ARHGAP29: variants seen among roughly 807,000 people sequenced by gnomAD.
The protein encoded by ARHGAP29 is rho GTPase-activating protein 29.
A neutral mutation model predicts 122.6 loss-of-function variants in ARHGAP29; 43 were observed. The observed-to-expected ratio is 0.35, with a 90% CI of 0.27 to 0.45. The LOEUF (loss-of-function observed/expected upper bound fraction) is 0.45. Ranked by LOEUF, ARHGAP29 falls within the 20% of genes least tolerant of loss-of-function variation. The pLI is 1.00. For missense variants in ARHGAP29, 1,303 were observed against 1,477.2 expected (o/e 0.88, Z 1.93); for synonymous variants, 506 against 497.1 (o/e 1.02, Z -0.24).
At chr1:94,256,506 A>C (rs1654350802) in intron 1 of ARHGAP29, among the ~76,000 whole-genome samples, 1 of 147,154 alleles carries the variant, frequency 6.8e-6, no homozygotes, top group Non-Finnish European at 1.5e-5. Context: ...CAATTTAACC[A>C]AAACCAGAAA....
At chr1:94,294,667 C>T in the ARHGAP29 span, among the ~76,000 whole-genome samples, 1 of 152,132 alleles carries the variant, frequency 6.6e-6, no homozygotes, top group Non-Finnish European at 1.5e-5. Flanking sequence ...TTGTTGTTCA[C>T]ACTAGTGACC....
upstream of ARHGAP29, among the ~76,000 whole-genome samples, chr1:94,275,674 A>G (rs1031905123): frequency 6.6e-6 from 1 of 152,176 alleles, no homozygotes; most frequent in Non-Finnish European, 1.5e-5. Context: ...CAGTAGGGTT[A>G]CTGAGTTCCA....
intron 1 of ARHGAP29, among the ~76,000 whole-genome samples, chr1:94,232,234 G>C (rs971226030): frequency 7.1e-6 from 1 of 140,418 alleles, no homozygotes; most frequent in Admixed American, 7.5e-5. Flanking sequence ...TAAAATGGGA[G>C]TAACATCCTG....
chr1:94,204,312 C>T (rs1201925637), intron 7 of ARHGAP29, among the ~76,000 whole-genome samples: 1 of 152,090 alleles, frequency 6.6e-6, no homozygotes, highest in Non-Finnish European at 1.5e-5. Flanking sequence ...TAATGCAGCA[C>T]TTCTTAATTG....
chr1:94,203,375 T>C (rs1650985823), intron 8 of ARHGAP29, among the ~76,000 whole-genome samples, 165 bp from the exon 9 acceptor site: 1 of 152,112 alleles, frequency 6.6e-6, no homozygotes, highest in Non-Finnish European at 1.5e-5. Flanking sequence ...GAAAATTAAT[T>C]ATAATTAATC....
At position 94,177,635 on chromosome 1, in the gene ARHGAP29, C is replaced by T. The variant is rs867918256; in HGVS notation, c.2882G>A (p.Gly961Glu). ...ACCACTGAGACATGCATCACATTTTCCTAACGCATTTTGCTTGCGTTCTGA... is the reference window on the plus strand; with the variant it reads ...ACCACTGAGACATGCATCACATTTTTCTAACGCATTTTGCTTGCGTTCTGA... ...EESERKQNALGKCDACLSDKA... is the reference protein window; with the variant it reads ...EESERKQNALEKCDACLSDKA... Residue 961 changes from glycine (G) to glutamate (E), a missense_variant, in exon 22 of 23, where the codon GGA becomes GAA. Gly to Glu is a moderately conservative substitution (Grantham distance 98). Around this residue, in one of 3 missense-constraint regions of ARHGAP29, gnomAD observed 620 missense variants for 651.2 expected, o/e 0.95. Coordinates refer to ENST00000260526, the MANE Select transcript of ARHGAP29 (RefSeq NM_004815.4). 1 of 1,611,878 alleles carries T rather than the reference C, an allele frequency of 6.2e-7. No homozygotes were observed. Among genetic ancestry groups the T allele is most frequent in the Non-Finnish European group, 8.5e-7 (1 of 1,179,286 alleles).
chr1:94,282,143 T>C, the ARHGAP29 span, among the ~76,000 whole-genome samples: 1 of 152,108 alleles, frequency 6.6e-6, no homozygotes. Flanking sequence ...ACCCAGAATC[T>C]GATCTTGTAA....
upstream of ARHGAP29, among the ~76,000 whole-genome samples, chr1:94,241,934 CT>C (rs548885767): frequency 5.8e-4 from 88 of 151,946 alleles, no homozygotes; most frequent in African/African-American, 2.0e-3. Context: ...CCCCAACTTT[CT>C]GCCTAAAGTC....
At chr1:94,184,605 T>G (rs193298442) in intron 18 of ARHGAP29, among the ~76,000 whole-genome samples, 3 of 151,924 alleles carry the variant, frequency 2.0e-5, no homozygotes, top group Non-Finnish European at 4.4e-5. Context: ...TTTTTTTTAA[T>G]TAGCCAGGCG....
At chr1:94,288,108 C>A in the ARHGAP29 span, among the ~76,000 whole-genome samples, 1 of 152,194 alleles carries the variant, frequency 6.6e-6, no homozygotes, top group African/African-American at 2.4e-5. Context: ...TTTACACTCC[C>A]ACCAACAGTG....
chr1:94,262,824 A>G (rs1194559300), intron 1 of ARHGAP29, among the ~76,000 whole-genome samples: 2 of 152,208 alleles, frequency 1.3e-5, no homozygotes, highest in Non-Finnish European at 1.5e-5. Flanking sequence ...TAGTTCAGCC[A>G]TTGTGGAAGA....
intron 3 of ARHGAP29, among the ~76,000 whole-genome samples, chr1:94,210,998 A>C (rs1006064655): frequency 6.6e-6 from 1 of 151,954 alleles, no homozygotes; most frequent in African/African-American, 2.4e-5. Flanking sequence ...TCAAAAGGAC[A>C]TAACAGCCAG....
At chr1:94,232,970 G>C (rs999613740) in intron 1 of ARHGAP29, among the ~76,000 whole-genome samples, 2 of 149,712 alleles carry the variant, frequency 1.3e-5, no homozygotes, top group African/African-American at 4.9e-5. Flanking sequence ...GTTGAGTCTG[G>C]GTCTCACGCT....
In ARHGAP29 at chr1:94,247,091, G is replaced by C. The variant is rs115089979; in HGVS notation, c.-32-15448C>G. On this transcript the variant is annotated intron_variant and NMD_transcript_variant, in intron 1 of 25. Coordinates refer to the ARHGAP29 transcript ENST00000552844. ...AAGAAAAAGTAAATATGGAACATGA[G>C]ATGTCTGTTTTACTCAGCCTTTGCA... is the stretch of plus-strand genomic sequence containing the variant. Among the ~76,000 whole-genome samples the C allele has an allele frequency of 2.2e-3, 330 of 152,280 alleles. 1 individual carries two copies. The highest frequency in any genetic ancestry group is 7.7e-3 in the African/African-American group (319 of 41,552).
At position 94,201,761 on chromosome 1, in the gene ARHGAP29, G is replaced by A. The variant is rs763118604; in HGVS notation, c.1240C>T (p.Leu414Phe). 12 of 1,613,752 alleles carry A rather than the reference G, an allele frequency of 7.4e-6. No homozygotes were observed. The East Asian group carries it at 2.0e-4, about 27-fold the overall frequency. ...TCACACTGGAAAACAAGTGTCCGGAGTTGTGCTAAAATTTCTCTTTTGGTA... is the reference window on the plus strand; with the variant it reads ...TCACACTGGAAAACAAGTGTCCGGAATTGTGCTAAAATTTCTCTTTTGGTA... The part of the protein sequence containing the change: ...ENTKREILAQ[L>F]RTLVFQCDLT... The change falls in exon 12 of 23, where the codon CTC becomes TTC. Residue 414 changes from leucine to phenylalanine, a missense_variant. By Grantham distance (22) the Leu-to-Phe change is conservative. Transcript: ENST00000260526.
chr1:94,286,831 G>A, the ARHGAP29 span, among the ~76,000 whole-genome samples: 1 of 152,162 alleles, frequency 6.6e-6, no homozygotes, highest in African/African-American at 2.4e-5. Context: ...CAGTGACTGG[G>A]AAAGTGGAAT....
At chr1:94,211,073 T>G (rs1651571410) in intron 3 of ARHGAP29, among the ~76,000 whole-genome samples, 1 of 151,618 alleles carries the variant, frequency 6.6e-6, no homozygotes, top group African/African-American at 2.4e-5. Flanking sequence ...TTGTCTGAGC[T>G]CAGAAGTTCA....
intron 3 of ARHGAP29, among the ~76,000 whole-genome samples, chr1:94,215,104 G>GAAAAAAAAAAAAAAAGA (rs1651876576): frequency 1.3e-4 from 11 of 83,590 alleles, no homozygotes; most frequent in South Asian, 4.1e-4. Flanking sequence ...GCATGAAAAG[G>GAAAAAAAAAAAAAAAGA]AAAAAAAAAA....
Position 94,208,783 on chromosome 1 carries a change from A to G in ARHGAP29, c.510+49T>C, listed in dbSNP as rs764619559. The G allele has an allele frequency of 1.0e-5, 16 of 1,569,062 alleles. No homozygotes were observed. The East Asian group carries it at 2.7e-4, about 26-fold the overall frequency. ...CCTAAGATTAGGCAATAGTTGAAAC[A>G]TGAAGTTAAAAACATTAAAGACTTT... On this transcript the variant is annotated intron_variant, in intron 5 of 22. Coordinates refer to ENST00000260526, the MANE Select transcript of ARHGAP29 (RefSeq NM_004815.4).
Sources: allele counts gnomAD v4.1 joint callset (sites outside exome capture counted in the v4.1 genomes callset), GRCh38; gene constraint gnomAD v4.1.1; regional missense constraint gnomAD v4.1.1; transcripts MANE v1.5; gene names NCBI Gene and HGNC (gene_info 2026-07-23, HGNC 2026-07-21).